SIRPA: variants seen among roughly 807,000 people sequenced by gnomAD.
SIRPA encodes tyrosine-protein phosphatase non-receptor type substrate 1.
A neutral mutation model predicts 50.3 loss-of-function variants in SIRPA; 9 were observed. That is an observed-to-expected ratio of 0.18 (90% CI 0.11 to 0.31). The LOEUF is 0.31. SIRPA is among the 10% of genes least tolerant of loss of function. The probability of loss-of-function intolerance (pLI) is 1.00; values close to 1 mark genes in which losing one functional copy is unlikely to be tolerated. For synonymous variants in SIRPA, 265 were observed against 284.1 expected (o/e 0.93, Z 0.68); for missense variants, 474 against 661.6 (o/e 0.72, Z 3.11).
intron 1 of SIRPA, among the ~76,000 whole-genome samples, chr20:1,903,011 CAAAAAAA>C (rs58735842): frequency 3.3e-5 from 3 of 90,886 alleles, no homozygotes; most frequent in African/African-American, 4.2e-5. Context: ...GACTCTGTCT[CAAAAAAA>C]AAAAAAAAAA....
At chr20:1,926,368 C>T (rs1005166107) in intron 5 of SIRPA, among the ~76,000 whole-genome samples, 3 of 152,246 alleles carry the variant, frequency 2.0e-5, no homozygotes, top group South Asian at 2.1e-4. Context: ...TCATAGCAGC[C>T]GATAGTGAAA....
Position 1,933,405 on chromosome 20 carries a change from C to CCG in SIRPA, c.1227-1309_1227-1308insGC, listed in dbSNP as rs1568514474. 6.6e-6 allele frequency among the ~76,000 whole-genome samples: 1 copy of CCG among 150,634 alleles called. No individual in the cohort carries two copies. The highest frequency in any genetic ancestry group is 1.5e-5 in the Non-Finnish European group (1 of 67,492). ...AAGTACATAACATCAAATGCCACCC[C>CCG]CCCCCCGAAATATCTGGTGGGCAGA... On this transcript the variant is annotated intron_variant, in intron 6 of 7. Transcript: ENST00000358771. This position sits in a 1 kb window ranked among gnomAD's most constrained non-coding sequence, Gnocchi z 4.4.
At chr20:1,912,403 A>G (rs1298566006) in intron 1 of SIRPA, among the ~76,000 whole-genome samples, 1 of 152,212 alleles carries the variant, frequency 6.6e-6, no homozygotes, top group Non-Finnish European at 1.5e-5. Flanking sequence ...ACTCCACCTA[A>G]CACATGAAGA....
At position 1,934,573 on chromosome 20, in the gene SIRPA, T is replaced by C. The variant is rs557615173; in HGVS notation, c.1227-142T>C. 62 of 685,818 alleles carry C rather than the reference T, an allele frequency of 9.0e-5. 1 individual carries two copies. In the South Asian group the frequency reaches 1.1e-3, roughly 12 times the overall value. 42.5% of individuals were successfully genotyped at this position (685,818 alleles called of 1,614,324 possible). ...GACCCCTTTGTCCAAACATTTGATATGCAGTTGTATTTCTGTTATGAGTCC... is the reference window on the plus strand; with the variant it reads ...GACCCCTTTGTCCAAACATTTGATACGCAGTTGTATTTCTGTTATGAGTCC... On this transcript the variant is annotated intron_variant, in intron 6 of 7. Transcript: ENST00000358771. The surrounding 1 kb of genome is among the most constrained non-coding windows in gnomAD (Gnocchi z 4.6).
chr20:1,921,718 A>C lies in SIRPA; in HGVS notation c.754+6A>C. The C allele has an allele frequency of 6.2e-7, 1 of 1,608,868 alleles. No individual in the cohort carries two copies. The highest frequency in any genetic ancestry group is 8.5e-7 in the Non-Finnish European group (1 of 1,175,316). ...CTTGTCTGAGACCATCCGAGGTAGA[A>C]GACCCTCACCCAGCCCAAGCCCACA... On this transcript the variant is annotated splice_donor_region_variant and intron_variant, in intron 3 of 7. Transcript: ENST00000358771.
chr20:1,908,328 C>A (rs950646196), intron 1 of SIRPA, among the ~76,000 whole-genome samples: 1 of 151,990 alleles, frequency 6.6e-6, no homozygotes, highest in Non-Finnish European at 1.5e-5. Context: ...ACGCATACAG[C>A]ACTCTGTCAC....
rs559792466 is a variant in SIRPA at position 1,905,692 on chromosome 20, A to G, written c.80-9407A>G. On this transcript the variant is annotated intron_variant, in intron 1 of 7. Coordinates refer to ENST00000358771, the MANE Select transcript of SIRPA (RefSeq NM_001040023.2). The stretch of plus-strand genomic sequence containing the variant: ...AAGGCACCAAGCCTAGTAGATGTCA[A>G]TGTCCTCTACCTGCTCTCTCAGCCT... Among the ~76,000 whole-genome samples the G allele has an allele frequency of 2.7e-3, 407 of 152,324 alleles. 5 individuals carry two copies. Among genetic ancestry groups the G allele is most frequent in the African/African-American group, 8.9e-3 (371 of 41,572 alleles).
chr20:1,907,330 G>A (rs141514669), intron 1 of SIRPA, among the ~76,000 whole-genome samples: 1 of 152,350 alleles, frequency 6.6e-6, no homozygotes, highest in African/African-American at 2.4e-5. Context: ...GGTGTATCCA[G>A]TGGTGCCGGC....
chr20:1,937,311 T>G lies in SIRPA; in HGVS notation c.1267-9T>G, dbSNP rs1284130496. The G allele has an allele frequency of 6.2e-7, 1 of 1,608,614 alleles. No homozygotes were observed. The highest frequency in any genetic ancestry group is 1.7e-5 in the Admixed American group (1 of 59,816). On this transcript the variant is annotated splice_polypyrimidine_tract_variant and intron_variant, in intron 7 of 7. Coordinates refer to ENST00000358771, the MANE Select transcript of SIRPA (RefSeq NM_001040023.2). The surrounding 1 kb of genome is among the most constrained non-coding windows in gnomAD (Gnocchi z 8.3). Reference sequence around the variant, plus strand: ...CTCATGACTTTCTCTTTGGGTATCTTAAATCCAGGACACAAATGATATCAC... The same window carrying G: ...CTCATGACTTTCTCTTTGGGTATCTGAAATCCAGGACACAAATGATATCAC...
intron 1 of SIRPA, among the ~76,000 whole-genome samples, chr20:1,903,011 CAAAAAAAAA>C (rs58735842): frequency 0.055 from 4,961 of 90,916 alleles, 125 homozygotes; most frequent in South Asian, 0.083. Context: ...GACTCTGTCT[CAAAAAAAAA>C]AAAAAAAAAA....
intron 1 of SIRPA, among the ~76,000 whole-genome samples, chr20:1,899,618 T>C (rs896511231): frequency 6.6e-6 from 1 of 152,172 alleles, no homozygotes; most frequent in African/African-American, 2.4e-5. Context: ...CTCCTTGTCT[T>C]CCTGTGTCTG....
In SIRPA at chr20:1,933,444, G is replaced by T. The variant is rs1258595159; in HGVS notation, c.1227-1271G>T. Among the ~76,000 whole-genome samples, 1 of 150,070 alleles carries T rather than the reference G, an allele frequency of 6.7e-6. No individual in the cohort carries two copies. The highest frequency in any genetic ancestry group is 2.5e-5 in the African/African-American group (1 of 40,716). On this transcript the variant is annotated intron_variant, in intron 6 of 7. Transcript: ENST00000358771. This position sits in a 1 kb window ranked among gnomAD's most constrained non-coding sequence, Gnocchi z 4.4. ...CTGGTGGGCAGATGAGTGGGTACAT[G>T]AGGGCAGGGCAGTGAATTAGCCTGG...
In SIRPA at chr20:1,927,793, C is replaced by T. The variant is rs1986069550; in HGVS notation, c.1202-82C>T. 6.1e-6 allele frequency: 8 copies of T among 1,321,430 alleles called. No individual in the cohort carries two copies. Among genetic ancestry groups the T allele is most frequent in the South Asian group, 2.4e-5 (2 of 84,944 alleles). 81.9% of individuals were successfully genotyped at this position (1,321,430 alleles called of 1,614,324 possible). A position where few individuals can be genotyped will look rare whatever the true frequency, so the allele number is the denominator to read the frequency against. ...CATTTCCTCTCCATGTCCCTGGAGGCAAACCTTTTGCCAAAAAATAGTTAC... is the reference window on the plus strand; with the variant it reads ...CATTTCCTCTCCATGTCCCTGGAGGTAAACCTTTTGCCAAAAAATAGTTAC... On this transcript the variant is annotated intron_variant, in intron 5 of 7. Coordinates refer to ENST00000358771, the MANE Select transcript of SIRPA (RefSeq NM_001040023.2). This position sits in a 1 kb window ranked among gnomAD's most constrained non-coding sequence, Gnocchi z 6.5.
At position 1,927,475 on chromosome 20, in the gene SIRPA, C is replaced by T. The variant is rs1306359189; in HGVS notation, c.1202-400C>T. On this transcript the variant is annotated intron_variant, in intron 5 of 7. Coordinates refer to ENST00000358771, the MANE Select transcript of SIRPA (RefSeq NM_001040023.2). The surrounding 1 kb of genome is among the most constrained non-coding windows in gnomAD (Gnocchi z 6.5). The stretch of plus-strand genomic sequence containing the variant: ...AGCAGACCCGGGGTTCACACATGAT[C>T]CCCGATTTGCAGCCCTGCTAGAATC... Among the ~76,000 whole-genome samples the T allele has an allele frequency of 1.3e-5, 2 of 152,170 alleles. No homozygotes were observed. The highest frequency in any genetic ancestry group is 1.3e-4 in the Admixed American group (2 of 15,286).
chr20:1,926,790 A>G (rs1380326725), intron 5 of SIRPA, among the ~76,000 whole-genome samples: 2 of 152,278 alleles, frequency 1.3e-5, no homozygotes, highest in Admixed American at 1.3e-4. Context: ...CATGTCTAGG[A>G]CCACCTTGCA....
At position 1,903,028 on chromosome 20, in the gene SIRPA, A is replaced by AAAAAG. The variant is rs71329314; in HGVS notation, c.79+7511_79+7515dup. Among the ~76,000 whole-genome samples, 765 of 119,176 alleles carry AAAAAG rather than the reference A, an allele frequency of 6.4e-3. 9 individuals carry two copies. The highest frequency in any genetic ancestry group is 0.02 in the African/African-American group (537 of 27,374). The allele number at this position is 119,176 out of a possible 152,430, so 78.2% of individuals were successfully genotyped here. ...CTCTGTCTCAAAAAAAAAAAAAAAA[A>AAAAAG]AAAAGAAAAGAAAGAAAAGAAAATG... On this transcript the variant is annotated intron_variant, in intron 1 of 7. Transcript: ENST00000358771.
rs1203900424 is a variant in SIRPA at position 1,915,838 on chromosome 20, T to C, written c.436+383T>C. On this transcript the variant is annotated intron_variant, in intron 2 of 7. Transcript: ENST00000358771. Reference sequence around the variant, plus strand: ...TCTCAGGGCAGCCGAGTCTCCTCTATGTGACAGGCACTCACTGAGAACCTA... The same window carrying C: ...TCTCAGGGCAGCCGAGTCTCCTCTACGTGACAGGCACTCACTGAGAACCTA... Among the ~76,000 whole-genome samples the C allele has an allele frequency of 5.9e-5, 9 of 152,346 alleles. No individual in the cohort carries two copies. In the East Asian group the frequency reaches 1.7e-3, roughly 29 times the overall value.
chr20:1,895,542 C>T lies in SIRPA; in HGVS notation c.79+16C>T. The T allele has an allele frequency of 2.1e-6, 3 of 1,432,296 alleles. No individual in the cohort carries two copies. Among genetic ancestry groups the T allele is most frequent in the Non-Finnish European group, 2.7e-6 (3 of 1,093,946 alleles). The allele number at this position is 1,432,296 out of a possible 1,614,324, so 88.7% of individuals were successfully genotyped here. On this transcript the variant is annotated intron_variant, in intron 1 of 7. Coordinates refer to ENST00000358771, the MANE Select transcript of SIRPA (RefSeq NM_001040023.2). ...GCCTGGTCAGGTAAGCACCCCCCCG[C>T]TCCCCACCGCTGCACTCCCCAAACT...
chr20:1,916,275 A>G (rs1001731969), intron 2 of SIRPA, among the ~76,000 whole-genome samples: 2 of 152,148 alleles, frequency 1.3e-5, no homozygotes, highest in African/African-American at 4.8e-5. Context: ...GAATCCTGGG[A>G]CATTAGTACA....
Sources: allele counts gnomAD v4.1 joint callset (sites outside exome capture counted in the v4.1 genomes callset), GRCh38; gene constraint gnomAD v4.1.1; non-coding constraint Gnocchi (gnomAD v3.1); transcripts MANE v1.5; gene names NCBI Gene and HGNC (gene_info 2026-07-23, HGNC 2026-07-21).